Variants in HECW2 observed in about 807,000 individuals in gnomAD.
The protein encoded by HECW2 is HECT, C2 and WW domain containing E3 ubiquitin protein ligase 2, also known as E3 ubiquitin-protein ligase HECW2.
In HECW2, 61 loss-of-function variants were observed where a neutral mutation model predicts 175.2. That is an observed-to-expected ratio of 0.35 (90% confidence interval 0.28 to 0.43). The LOEUF (loss-of-function observed/expected upper bound fraction) is 0.43, where lower values mean the gene tolerates loss of function less well. Ranked by LOEUF, HECW2 falls within the 20% of genes least tolerant of loss-of-function variation. HECW2 has a pLI of 1.00. For synonymous variants in HECW2, 671 were observed against 731.0 expected (o/e 0.92, Z 1.32); for missense variants, 1,524 against 2,000.5 (o/e 0.76, Z 4.54).
chr2:196,215,364 T>C (rs1468198168), intron 28 of HECW2, among the ~76,000 whole-genome samples: 1 of 152,230 alleles, frequency 6.6e-6, no homozygotes, highest in African/African-American at 2.4e-5. Flanking sequence ...AAGCATTTTT[T>C]TTCTATTCTA....
At chr2:196,403,180 A>G (rs1359219227) in intron 2 of HECW2, among the ~76,000 whole-genome samples, 26 of 152,242 alleles carry the variant, frequency 1.7e-4, no homozygotes, top group Admixed American at 1.7e-3. Context: ...GGACACAGAC[A>G]TAGGCATAGA....
intron 16 of HECW2, 36 bp from the exon 17 acceptor site, chr2:196,271,325 A>G: frequency 6.9e-7 from 1 of 1,443,908 alleles, no homozygotes; most frequent in East Asian, 2.3e-5. Flanking sequence ...CAATTTAAAA[A>G]AGAATCTATT....
intron 13 of HECW2, among the ~76,000 whole-genome samples, chr2:196,295,127 AT>A (rs1174919428): frequency 6.6e-6 from 1 of 152,192 alleles, no homozygotes; most frequent in Non-Finnish European, 1.5e-5. Flanking sequence ...GACAGGCTAA[AT>A]AAGAGGAGGT....
intron 19 of HECW2, among the ~76,000 whole-genome samples, chr2:196,247,765 G>A (rs180801706): frequency 1.1e-3 from 172 of 152,186 alleles, no homozygotes; most frequent in Middle Eastern, 6.8e-3. Flanking sequence ...TCCAACTCCC[G>A]GGCAGTCTCA....
chr2:196,310,985 A>G (rs1691476349), intron 10 of HECW2, among the ~76,000 whole-genome samples: 2 of 152,180 alleles, frequency 1.3e-5, no homozygotes, highest in African/African-American at 4.8e-5. Flanking sequence ...CCATTTTATT[A>G]TATTAAGTTC....
In HECW2 at chr2:196,220,902, G is replaced by A; in HGVS notation, c.4186C>T (p.Pro1396Ser). 6.2e-7 allele frequency: 1 copy of A among 1,613,896 alleles called. No individual in the cohort carries two copies. Among genetic ancestry groups the A allele is most frequent in the Non-Finnish European group, 8.5e-7 (1 of 1,179,924 alleles). The change falls in exon 25 of 29, where the codon CCA becomes TCA. Residue 1396 changes from proline (P) to serine (S), a missense_variant. Physicochemically the swap from Pro to Ser is moderately conservative, Grantham distance 74. Transcript: ENST00000644978. ...TCCTTCTTGTTCTTCTCTGTAACTG[G>A]GATATTGGCACCCCCTGGCTTTAAT... ...RELKPGGANI[P>S]VTEKNKKEYI... is the part of the protein sequence containing the mutation.
intron 1 of HECW2, among the ~76,000 whole-genome samples, chr2:196,460,148 C>A (rs1364061445): frequency 6.6e-6 from 1 of 152,136 alleles, no homozygotes; most frequent in Non-Finnish European, 1.5e-5. Flanking sequence ...TGAACCTCAT[C>A]ATTCTTCAGC....
intron 1 of HECW2, among the ~76,000 whole-genome samples, chr2:196,575,006 A>G (rs1016072514): frequency 6.8e-6 from 1 of 147,950 alleles, no homozygotes; most frequent in African/African-American, 2.5e-5. Flanking sequence ...GCTTGAGCCC[A>G]GGAGTTCAAG....
intron 17 of HECW2, among the ~76,000 whole-genome samples, chr2:196,264,358 T>C (rs1689427738): frequency 6.6e-6 from 1 of 152,184 alleles, no homozygotes; most frequent in African/African-American, 2.4e-5. Context: ...ACTGAACTGT[T>C]TTCTTCATAA....
At chr2:196,530,738 G>T (rs1318398074) in intron 1 of HECW2, among the ~76,000 whole-genome samples, 1 of 152,044 alleles carries the variant, frequency 6.6e-6, no homozygotes, top group Non-Finnish European at 1.5e-5. Context: ...GGCATTGCAA[G>T]GACCCTATGG....
intron 3 of HECW2, among the ~76,000 whole-genome samples, chr2:196,343,003 A>T (rs1391092351): frequency 6.6e-6 from 1 of 150,946 alleles, no homozygotes; most frequent in East Asian, 1.9e-4. Flanking sequence ...TACTATATAT[A>T]TTTTTGTATA....
At chr2:196,375,943 T>C (rs537466856) in intron 2 of HECW2, among the ~76,000 whole-genome samples, 1 of 152,372 alleles carries the variant, frequency 6.6e-6, no homozygotes, top group South Asian at 2.1e-4. Flanking sequence ...ATGTACCTTC[T>C]TATGCCAGTT....
intron 1 of HECW2, among the ~76,000 whole-genome samples, chr2:196,446,298 G>A (rs1423581673): frequency 1.3e-5 from 2 of 152,156 alleles, no homozygotes; most frequent in Non-Finnish European, 2.9e-5. Context: ...GCCTCTCAGA[G>A]GGACCTTCCC....
intron 1 of HECW2, among the ~76,000 whole-genome samples, chr2:196,557,958 AAT>A (rs72126648): frequency 0.048 from 7,247 of 152,274 alleles, 565 homozygotes; most frequent in African/African-American, 0.16. Flanking sequence ...ACGATTATAA[AAT>A]ATGTTTATGG....
intron 1 of HECW2, among the ~76,000 whole-genome samples, chr2:196,521,282 C>CAAAAAAAAAAAAAAAAAAAAAA (rs1158051512): frequency 3.2e-4 from 17 of 53,672 alleles, no homozygotes; most frequent in African/African-American, 4.2e-4. Context: ...ACGTGAGTAA[C>CAAAAAAAAAAAAAAAAAAAAAA]AAAAAAAAAA....
intron 12 of HECW2, among the ~76,000 whole-genome samples, chr2:196,306,887 T>A (rs1489123778): frequency 6.6e-6 from 1 of 152,206 alleles, no homozygotes; most frequent in Non-Finnish European, 1.5e-5. Context: ...TTTTCCAGTA[T>A]CCCACAGATC....
intron 1 of HECW2, among the ~76,000 whole-genome samples, chr2:196,538,593 T>C (rs1410036345): frequency 1.3e-5 from 2 of 152,158 alleles, no homozygotes; most frequent in Admixed American, 6.5e-5. Context: ...GTTTGGTTAG[T>C]CCCAGACTTA....
At chr2:196,316,165 G>C (rs1451743352) in intron 10 of HECW2, 1 of 152,102 alleles carries the variant, frequency 6.6e-6, no homozygotes, top group African/African-American at 2.4e-5. Context: ...ATTTTAAACT[G>C]CTTAAAATAT....
At chr2:196,505,399 G>A (rs1449911236) in intron 1 of HECW2, among the ~76,000 whole-genome samples, 1 of 152,110 alleles carries the variant, frequency 6.6e-6, no homozygotes, top group African/African-American at 2.4e-5. Flanking sequence ...AATTAGCTGG[G>A]TGTGGTGGTG....
Sources: allele counts gnomAD v4.1 joint callset (sites outside exome capture counted in the v4.1 genomes callset), GRCh38; gene constraint gnomAD v4.1.1; transcripts MANE v1.5; gene names NCBI Gene and HGNC (gene_info 2026-07-23, HGNC 2026-07-21).